The following AP4E1 variants were observed in gnomAD, a reference collection of about 807,000 sequenced individuals.
AP4E1 encodes AP-4 complex subunit epsilon-1.
AP4E1 carries 56 observed loss-of-function variants against 128.2 expected under a neutral mutation model. The ratio of observed to expected loss-of-function variants is 0.44; its 90% CI spans 0.35 to 0.55. The LOEUF (loss-of-function observed/expected upper bound fraction) is 0.55. Ranked by LOEUF, AP4E1 falls within the 20% of genes least tolerant of loss-of-function variation. AP4E1 has a pLI of 0.00. For missense variants in AP4E1, 1,324 were observed against 1,307.7 expected (o/e 1.01, Z -0.19); for synonymous variants, 484 against 473.1 (o/e 1.02, Z -0.30).
In AP4E1 at chr15:50,929,129, C is replaced by G; in HGVS notation, c.663C>G (p.Val221=). The G allele has an allele frequency of 6.2e-7, 1 of 1,613,816 alleles. No individual in the cohort carries two copies. The highest frequency in any genetic ancestry group is 2.2e-5 in the East Asian group (1 of 44,806). The change falls in exon 6 of 21, where the codon GTC becomes GTG. Residue 221 remains valine, a synonymous_variant. Transcript: ENST00000261842. The part of the protein sequence containing the change: ...RKALCDRDVG[V]MAASLHIYLR... Reference sequence around the variant, plus strand: ...CACTTTGTGACAGAGATGTTGGGGTCATGGCTGCCTCCTTGCATATATATC... The same window carrying G: ...CACTTTGTGACAGAGATGTTGGGGTGATGGCTGCCTCCTTGCATATATATC...
chr15:50,922,914 A>C (rs2063724374), intron 3 of AP4E1, among the ~76,000 whole-genome samples: 1 of 151,782 alleles, frequency 6.6e-6, no homozygotes, highest in African/African-American at 2.4e-5. Context: ...AGTAGCTGGG[A>C]CTACAGGTGC....
intron 15 of AP4E1, among the ~76,000 whole-genome samples, chr15:50,972,706 G>C (rs2064497347): frequency 6.6e-6 from 1 of 152,220 alleles, no homozygotes; most frequent in Non-Finnish European, 1.5e-5. Context: ...GGGCCATGGA[G>C]CTGTTACTCT....
At chr15:50,990,693 C>T (rs538660649) in intron 16 of AP4E1, among the ~76,000 whole-genome samples, 1 of 152,116 alleles carries the variant, frequency 6.6e-6, no homozygotes, top group Non-Finnish European at 1.5e-5. Flanking sequence ...TATTTTCCCA[C>T]TTTTTAGATG....
At chr15:50,943,465 G>A (rs1326097509) in intron 10 of AP4E1, among the ~76,000 whole-genome samples, 1 of 152,070 alleles carries the variant, frequency 6.6e-6, no homozygotes, top group Non-Finnish European at 1.5e-5. Flanking sequence ...TACATGCCTT[G>A]GATCTGGGCA....
chr15:50,970,576 T>C (rs8034812), intron 15 of AP4E1, among the ~76,000 whole-genome samples: 29,675 of 152,246 alleles, frequency 0.19, 2,888 homozygotes, highest in South Asian at 0.23. Context: ...ATAATTGTTA[T>C]ATTCTTTTTA....
intron 10 of AP4E1, among the ~76,000 whole-genome samples, chr15:50,944,421 G>A (rs574470235): frequency 8.5e-5 from 13 of 152,240 alleles, no homozygotes; most frequent in Non-Finnish European, 1.9e-4. Flanking sequence ...ATATTTCATG[G>A]TCTTAGAATA....
At position 50,930,818 on chromosome 15, in the gene AP4E1, G is replaced by T. The variant is rs1465806649; in HGVS notation, c.716G>T (p.Gly239Val). 11 of 1,613,918 alleles carry T rather than the reference G, an allele frequency of 6.8e-6. No individual in the cohort carries two copies. The Admixed American group carries it at 1.5e-4, about 22-fold the overall frequency. ...YLRMIKENSSGYKDLTGSFVT... is the reference protein window; with the variant it reads ...YLRMIKENSSVYKDLTGSFVT... ...GGGGGGATGTAGGAGAATTCATCTG[G>T]ATATAAAGACTTGACTGGGAGTTTT... The change falls in exon 7 of 21, where the codon GGA becomes GTA. Residue 239 changes from glycine to valine, a missense_variant. Physicochemically the swap from Gly to Val is moderately radical, Grantham distance 109. Transcript: ENST00000261842.
chr15:50,972,772 G>T (rs189483107), intron 15 of AP4E1, among the ~76,000 whole-genome samples: 9 of 152,344 alleles, frequency 5.9e-5, no homozygotes, highest in Admixed American at 3.3e-4. Context: ...TGTCTGCCAA[G>T]AGTAGCCTAT....
intron 13 of AP4E1, among the ~76,000 whole-genome samples, chr15:50,954,717 T>C (rs1276329992): frequency 6.6e-6 from 1 of 152,214 alleles, no homozygotes; most frequent in Non-Finnish European, 1.5e-5. Flanking sequence ...AAAGTTACTT[T>C]AAGTTCTAGG....
chr15:50,972,222 T>C (rs114733950), intron 15 of AP4E1, among the ~76,000 whole-genome samples: 6,832 of 151,878 alleles, frequency 0.045, 499 homozygotes, highest in African/African-American at 0.16. Context: ...TTCTTTCTTT[T>C]TTCTTTTGAG....
intron 5 of AP4E1, among the ~76,000 whole-genome samples, chr15:50,925,863 G>A (rs1249046184): frequency 6.6e-6 from 1 of 150,646 alleles, no homozygotes; most frequent in Admixed American, 6.6e-5. Flanking sequence ...GACCTCAGGT[G>A]ATCCACCTGC....
chr15:51,001,328 G>GT (rs1390870994), intron 20 of AP4E1, 145 bp downstream of exon 20: 1 of 756,118 alleles, frequency 1.3e-6, no homozygotes, highest in Non-Finnish European at 2.1e-6. Flanking sequence ...TTTTCAGACT[G>GT]TATTAAATAA....
At chr15:50,961,962 GA>G (rs112691422) in intron 14 of AP4E1, among the ~76,000 whole-genome samples, 1,503 of 143,474 alleles carry the variant, frequency 0.01, 36 homozygotes, top group African/African-American at 0.035. Flanking sequence ...CACCAAGCCA[GA>G]AAAAAAAAAT....
chr15:50,997,383 G>A lies in AP4E1; in HGVS notation c.2404G>A (p.Ala802Thr). 2 of 1,606,086 alleles carry A rather than the reference G, an allele frequency of 1.2e-6. No homozygotes were observed. Among genetic ancestry groups the A allele is most frequent in the East Asian group, 2.2e-5 (1 of 44,786 alleles). The stretch of plus-strand genomic sequence containing the variant: ...CAGAAGGAAATCAAAAGTCAAAGAA[G>A]CTAAAAGTGGCGAAACAACCAGTAC... Reference protein sequence around the residue: ...KFRRKSKVKEAKSGETTSTHN... With the variant: ...KFRRKSKVKETKSGETTSTHN... The change falls in exon 18 of 21, where the codon GCT (alanine) becomes ACT (threonine). Residue 802 changes from alanine to threonine, a missense_variant. Coordinates refer to ENST00000261842, the MANE Select transcript of AP4E1 (RefSeq NM_007347.5).
At chr15:50,946,883 T>C (rs2064068986) in intron 10 of AP4E1, among the ~76,000 whole-genome samples, 1 of 152,184 alleles carries the variant, frequency 6.6e-6, no homozygotes, top group Non-Finnish European at 1.5e-5. Flanking sequence ...AGAAAGTAGC[T>C]GTAGCAGCTG....
chr15:50,951,994 T>C (rs2064157049), intron 13 of AP4E1, among the ~76,000 whole-genome samples: 1 of 152,140 alleles, frequency 6.6e-6, no homozygotes, highest in Non-Finnish European at 1.5e-5. Flanking sequence ...CCCAAAGTGC[T>C]GGGATTACAG....
chr15:50,998,030 A>AGGAT (rs1367596307), intron 18 of AP4E1, 147 bp downstream of exon 18: 6 of 638,186 alleles, frequency 9.4e-6, no homozygotes, highest in Non-Finnish European at 1.6e-5. Context: ...TTAAGGAGTA[A>AGGAT]GGATATTGAA....
chr15:50,958,914 G>A lies in AP4E1; in HGVS notation c.1851+120G>A. The A allele has an allele frequency of 2.7e-6, 3 of 1,101,464 alleles. No individual in the cohort carries two copies. The South Asian group carries it at 3.9e-5, about 14-fold the overall frequency. The allele number at this position is 1,101,464 out of a possible 1,614,324, so 68.2% of individuals were successfully genotyped here. On this transcript the variant is annotated intron_variant, in intron 14 of 20. Transcript: ENST00000261842. ...GGTTTCTGTAGCATTTAAGGTGAAT[G>A]TTGGAGTTCCTTTTCACATTAGTAT...
chr15:50,991,047 G>A (rs2064799696), intron 16 of AP4E1, among the ~76,000 whole-genome samples: 1 of 152,208 alleles, frequency 6.6e-6, no homozygotes, highest in African/African-American at 2.4e-5. Context: ...CTTCAGAGTT[G>A]TGCTGAGTTG....
Sources: allele counts gnomAD v4.1 joint callset (sites outside exome capture counted in the v4.1 genomes callset), GRCh38; gene constraint gnomAD v4.1.1; transcripts MANE v1.5; gene names NCBI Gene and HGNC (gene_info 2026-07-23, HGNC 2026-07-21).